The following ESRP1 variants were observed in gnomAD, a reference collection of about 807,000 sequenced individuals.
The protein encoded by ESRP1 is RNA-binding motif protein 35A.
A neutral mutation model predicts 81.7 loss-of-function variants in ESRP1; 33 were observed. That is an observed-to-expected ratio of 0.40 (90% CI 0.31 to 0.54). ESRP1 has a LOEUF of 0.54. Ranked by LOEUF, ESRP1 falls within the 20% of genes least tolerant of loss-of-function variation. The pLI is 0.41. For missense variants in ESRP1, 672 were observed against 833.1 expected (o/e 0.81, Z 2.38); for synonymous variants, 320 against 303.3 (o/e 1.06, Z -0.57).
At position 94,691,839 on chromosome 8, in the gene ESRP1, T is replaced by C. The variant is rs145096669; in HGVS notation, c.1821-838T>C. ...AAAATTCCCTATATATTTTCAATTATGAGTTTTAATTATATTAAACTATAT... is the reference window on the plus strand; with the variant it reads ...AAAATTCCCTATATATTTTCAATTACGAGTTTTAATTATATTAAACTATAT... On this transcript the variant is annotated intron_variant, in intron 13 of 15. Coordinates refer to ENST00000433389, the MANE Select transcript of ESRP1 (RefSeq NM_017697.4). Among the ~76,000 whole-genome samples the C allele has an allele frequency of 1.8e-3, 274 of 152,330 alleles. 1 individual carries two copies. Among genetic ancestry groups the C allele is most frequent in the African/African-American group, 6.0e-3 (249 of 41,580 alleles).
intron 4 of ESRP1, among the ~76,000 whole-genome samples, chr8:94,658,226 G>T (rs1818536282): frequency 6.6e-6 from 1 of 152,050 alleles, no homozygotes; most frequent in Non-Finnish European, 1.5e-5. Flanking sequence ...CTAAATCTTA[G>T]TTCTACAACT....
At chr8:94,656,282 G>C (rs1248958352) in intron 4 of ESRP1, 2 of 151,822 alleles carry the variant, frequency 1.3e-5, no homozygotes, top group African/African-American at 4.8e-5. Flanking sequence ...ACAGTGGCGC[G>C]ATCCCGGCTC....
chr8:94,661,457 T>C (rs893638947), intron 4 of ESRP1, among the ~76,000 whole-genome samples: 1 of 152,224 alleles, frequency 6.6e-6, no homozygotes, highest in Non-Finnish European at 1.5e-5. Flanking sequence ...CAAAAAATTG[T>C]GTGACTTGCT....
chr8:94,648,945 G>T (rs1285670814), intron 4 of ESRP1, among the ~76,000 whole-genome samples: 3 of 152,142 alleles, frequency 2.0e-5, no homozygotes, highest in African/African-American at 7.2e-5. Context: ...TTTTGGCTGG[G>T]CACGGTGGCT....
chr8:94,679,586 C>G (rs1808787285), intron 13 of ESRP1, among the ~76,000 whole-genome samples: 1 of 152,104 alleles, frequency 6.6e-6, no homozygotes, highest in South Asian at 2.1e-4. Flanking sequence ...CTTGAAGCCC[C>G]AAAGGCAGAA....
chr8:94,647,078 T>C (rs1178313225), intron 4 of ESRP1, among the ~76,000 whole-genome samples: 4 of 152,232 alleles, frequency 2.6e-5, no homozygotes, highest in African/African-American at 4.8e-5. Flanking sequence ...AGATGCTTAT[T>C]CCCAAACTTT....
rs140219933 is a variant in ESRP1 at position 94,682,068 on chromosome 8, A to G, written c.1820+3697A>G. Among the ~76,000 whole-genome samples, 1,487 of 152,302 alleles carry G rather than the reference A, an allele frequency of 9.8e-3. 27 individuals carry two copies. Among genetic ancestry groups the G allele is most frequent in the African/African-American group, 0.033 (1,387 of 41,578 alleles). ...CTTCTCTACCTCAGAAGAGGGTTTC[A>G]GTTTTCCAGTGACTCATACCTTAGC... On this transcript the variant is annotated intron_variant, in intron 13 of 15. Transcript: ENST00000433389.
intron 9 of ESRP1, among the ~76,000 whole-genome samples, chr8:94,666,950 G>C (rs6995823): frequency 0.87 from 131,817 of 152,218 alleles, 57,223 homozygotes; most frequent in East Asian, 0.96. Context: ...TGCCTTTAAT[G>C]CCAGCACTTT....
intron 2 of ESRP1, among the ~76,000 whole-genome samples, chr8:94,642,815 C>T (rs1056038935): frequency 1.3e-5 from 2 of 152,192 alleles, no homozygotes; most frequent in Non-Finnish European, 2.9e-5. Flanking sequence ...CTCACGACCT[C>T]TGCCCTAGCA....
chr8:94,705,117 A>C (rs2722877), intron 15 of ESRP1, among the ~76,000 whole-genome samples: 1 of 147,770 alleles, frequency 6.8e-6, no homozygotes, highest in Non-Finnish European at 1.5e-5. Context: ...TCACAGGCAT[A>C]TAGAGCCCAT....
chr8:94,706,427 T>C lies in ESRP1; in HGVS notation c.*538T>C, dbSNP rs532300036. ...CACAATCTTAGGAGAAAGAATAAAATTGTTATTTTCCCAGTCTCTTGGCCA... is the reference window on the plus strand; with the variant it reads ...CACAATCTTAGGAGAAAGAATAAAACTGTTATTTTCCCAGTCTCTTGGCCA... On this transcript the variant is annotated 3_prime_UTR_variant, in exon 16 of 16. Transcript: ENST00000433389. 1 of 153,258 alleles carries C rather than the reference T, an allele frequency of 6.5e-6. No homozygotes were observed. The highest frequency in any genetic ancestry group is 1.5e-5 in the Non-Finnish European group (1 of 68,646). 9.5% of individuals were successfully genotyped at this position (153,258 alleles called of 1,614,324 possible).
At chr8:94,683,910 C>T (rs1007127204) in intron 13 of ESRP1, among the ~76,000 whole-genome samples, 3 of 152,282 alleles carry the variant, frequency 2.0e-5, no homozygotes, top group South Asian at 4.2e-4. Context: ...TTCAATGGCG[C>T]GATCTCAGCT....
chr8:94,671,138 C>T (rs575182729), intron 10 of ESRP1, among the ~76,000 whole-genome samples: 1 of 152,290 alleles, frequency 6.6e-6, no homozygotes, highest in African/African-American at 2.4e-5. Context: ...GATAGTGATA[C>T]ATTGTTACAG....
At chr8:94,655,083 G>GTA (rs1818335914) in intron 4 of ESRP1, among the ~76,000 whole-genome samples, 1 of 146,598 alleles carries the variant, frequency 6.8e-6, no homozygotes, top group South Asian at 2.1e-4. Context: ...GTGTGTGTGT[G>GTA]TGTGTTTTGT....
chr8:94,698,951 A>G, intron 15 of ESRP1, among the ~76,000 whole-genome samples: 1 of 151,866 alleles, frequency 6.6e-6, no homozygotes, highest in African/African-American at 2.4e-5. Flanking sequence ...TCACGTACGA[A>G]TGCTTTGCGG....
rs777814562 is a variant in ESRP1, at chr8:94,692,808, A to G, written c.1952A>G (p.Asn651Ser). 17 of 1,613,342 alleles carry G rather than the reference A, an allele frequency of 1.1e-5. No homozygotes were observed. The highest frequency in any genetic ancestry group is 1.4e-5 in the Non-Finnish European group (17 of 1,179,648). Residue 651 changes from asparagine to serine, a missense_variant, in exon 14 of 16, where the codon AAC becomes AGC. Asn to Ser is a conservative substitution (Grantham distance 46, BLOSUM62 1). Transcript: ENST00000433389. ...AATACTGGAGTTAAGGAAATTCTTA[A>G]CTTCTTCCAAGGTTACCAGGTCAGT... ...AYNTGVKEIL[N>S]FFQGYQYATE...
intron 6 of ESRP1, 37 bp downstream of exon 6, chr8:94,662,592 C>CTT (rs777006375): frequency 3.1e-5 from 42 of 1,366,232 alleles, no homozygotes; most frequent in East Asian, 1.8e-4. Flanking sequence ...AGCTTTTTAA[C>CTT]TTGTTTTTTT....
At position 94,668,116 on chromosome 8, in the gene ESRP1, G is replaced by A. The variant is rs1265654140; in HGVS notation, c.1099G>A (p.Gly367Ser). ...EGILFVTYPDGRPTGDAFVLF... is the reference protein window; with the variant it reads ...EGILFVTYPDSRPTGDAFVLF... ...CATCCTCTTTGTCACCTACCCAGAT[G>A]GTAGGCCAACAGGGGACGCTTTTGT... Residue 367 changes from glycine (G) to serine (S), a missense_variant, in exon 10 of 16, where the codon GGT becomes AGT. Transcript: ENST00000433389. 4 of 1,614,004 alleles carry A rather than the reference G, an allele frequency of 2.5e-6. No homozygotes were observed. In the South Asian group the frequency reaches 4.4e-5, roughly 18 times the overall value.
chr8:94,661,601 C>A (rs1224979479), intron 4 of ESRP1, among the ~76,000 whole-genome samples: 1 of 152,150 alleles, frequency 6.6e-6, no homozygotes, highest in Non-Finnish European at 1.5e-5. Flanking sequence ...CCTGGTTTCA[C>A]CCTCAAACCA....
Sources: allele counts gnomAD v4.1 joint callset (sites outside exome capture counted in the v4.1 genomes callset), GRCh38; gene constraint gnomAD v4.1.1; transcripts MANE v1.5; gene names NCBI Gene and HGNC (gene_info 2026-07-23, HGNC 2026-07-21).